Variants in ERI1 observed in about 807,000 individuals in gnomAD.
The protein encoded by ERI1 is 3'-5' exoribonuclease 1.
A neutral mutation model predicts 39.7 loss-of-function variants in ERI1; 39 were observed. That is an observed-to-expected ratio of 0.98 (90% confidence interval 0.76 to 1.28). ERI1 has a LOEUF of 1.28. Ranked by LOEUF, ERI1 falls within the 50% of genes most tolerant of loss-of-function variation. The pLI, the probability that ERI1 is intolerant of heterozygous loss-of-function variation, is 0.00. For synonymous variants in ERI1, 204 were observed against 149.6 expected (o/e 1.36, Z -2.65); for missense variants, 581 against 416.9 (o/e 1.39, Z -3.43).
At chr8:9,097,569 T>C (rs1017727616) in intron 3 of ERI1, among the ~76,000 whole-genome samples, 3 of 151,136 alleles carry the variant, frequency 2.0e-5, no homozygotes, top group African/African-American at 4.9e-5. Flanking sequence ...CGCAGGAGGC[T>C]GAGGCTGGAG....
At chr8:9,076,405 A>C (rs1468410443) in intron 3 of ERI1, among the ~76,000 whole-genome samples, 1 of 152,232 alleles carries the variant, frequency 6.6e-6, no homozygotes, top group Non-Finnish European at 1.5e-5. Context: ...TCTGTAAGTC[A>C]AAGCAAACCC....
At chr8:9,004,239 G>C in intron 1 of ERI1, 1 of 1,230,622 alleles carries the variant, frequency 8.1e-7, no homozygotes, top group Admixed American at 2.7e-5. Flanking sequence ...CTCTTGTAAA[G>C]AACCACTCTT....
chr8:9,013,603 G>T (rs2100023), intron 3 of ERI1, among the ~76,000 whole-genome samples: 2 of 152,066 alleles, frequency 1.3e-5, no homozygotes, highest in East Asian at 3.9e-4. Context: ...TTCAGAAGCT[G>T]TCTCTTTGCT....
rs893487950 is a variant in ERI1 at position 9,030,282 on chromosome 8, A to G, written c.*248A>G. On this transcript the variant is annotated 3_prime_UTR_variant, in exon 7 of 7. Transcript: ENST00000250263. ...AGTAACAGTTCCTGCTTACAACTGA[A>G]TTTTATAATTTAAGGTGTTCAAGAT... The G allele has an allele frequency of 2.1e-5, 10 of 477,828 alleles. No homozygotes were observed. Among genetic ancestry groups the G allele is most frequent in the African/African-American group, 1.7e-4 (9 of 52,282 alleles). The allele number at this position is 477,828 out of a possible 1,614,324, so 29.6% of individuals were successfully genotyped here. A position where few individuals can be genotyped will look rare whatever the true frequency, so the allele number is the denominator to read the frequency against.
At chr8:9,049,414 A>G (rs1227071144) in intron 3 of ERI1, among the ~76,000 whole-genome samples, 1 of 147,718 alleles carries the variant, frequency 6.8e-6, no homozygotes, top group South Asian at 2.2e-4. Context: ...AATGTCAAGT[A>G]TTGAAATATG....
At chr8:9,080,767 C>G (rs1160917640) in intron 3 of ERI1, among the ~76,000 whole-genome samples, 1 of 152,174 alleles carries the variant, frequency 6.6e-6, no homozygotes, top group Non-Finnish European at 1.5e-5. Flanking sequence ...ACTCTCTCGG[C>G]TCCTGCAGGA....
intron 2 of ERI1, chr8:9,009,178 C>T: frequency 4.6e-6 from 2 of 435,322 alleles, no homozygotes; most frequent in South Asian, 1.6e-5. Flanking sequence ...GTATTGAATT[C>T]TAAGTACTGC....
intron 3 of ERI1, among the ~76,000 whole-genome samples, chr8:9,063,587 T>A (rs950050731): frequency 2.2e-4 from 33 of 151,836 alleles, no homozygotes; most frequent in Admixed American, 1.9e-3. Context: ...ATGCTTGGGG[T>A]TGGGACTGAG....
intron 3 of ERI1, among the ~76,000 whole-genome samples, chr8:9,045,642 T>C (rs571674974): frequency 6.6e-6 from 1 of 151,846 alleles, no homozygotes; most frequent in East Asian, 1.9e-4. Context: ...TATTAAAATA[T>C]AAATAAATCT....
intron 1 of ERI1, among the ~76,000 whole-genome samples, chr8:9,004,536 T>C (rs1346535484): frequency 7.3e-6 from 1 of 137,148 alleles, no homozygotes; most frequent in Non-Finnish European, 1.5e-5. Context: ...GTAGTTGCCC[T>C]CTCCCGTAGT....
At chr8:9,010,796 G>C (rs994449252) in intron 2 of ERI1, among the ~76,000 whole-genome samples, 3 of 152,064 alleles carry the variant, frequency 2.0e-5, no homozygotes, top group Non-Finnish European at 4.4e-5. Flanking sequence ...TTATCTGTTA[G>C]GATGACCTTT....
chr8:9,073,045 T>C (rs1799104507), intron 3 of ERI1, among the ~76,000 whole-genome samples: 1 of 152,228 alleles, frequency 6.6e-6, no homozygotes, highest in Non-Finnish European at 1.5e-5. Context: ...GCCTTCAGGA[T>C]TTTTTTATTT....
At chr8:9,040,718 T>C (rs1185089876) in intron 3 of ERI1, among the ~76,000 whole-genome samples, 1 of 116,996 alleles carries the variant, frequency 8.5e-6, no homozygotes, top group Admixed American at 8.1e-5. Flanking sequence ...ATCAGTAATA[T>C]AGTGTGTGTG....
intron 3 of ERI1, among the ~76,000 whole-genome samples, chr8:9,095,036 G>A (rs758296506): frequency 3.3e-5 from 5 of 152,128 alleles, no homozygotes; most frequent in Non-Finnish European, 7.4e-5. Context: ...GAATCCTGCC[G>A]TTTTCCTACT....
rs373647587 is a variant in ERI1, at chr8:9,088,205, C to G, written n.300-28143C>G. On this transcript the variant is annotated intron_variant and non_coding_transcript_variant, in intron 3 of 3. Coordinates refer to the ERI1 transcript ENST00000518663. ...CAGAATCCATTTCAGGAGATAACAC[C>G]TTCTCTTCTCTGCATTTAACACCAG... Among the ~76,000 whole-genome samples the G allele has an allele frequency of 4.6e-5, 7 of 151,964 alleles. No homozygotes were observed. The East Asian group carries it at 1.4e-3, about 29-fold the overall frequency.
At position 9,080,661 on chromosome 8, in the gene ERI1, G is replaced by A. The variant is rs180948869; in HGVS notation, n.300-35687G>A. Among the ~76,000 whole-genome samples the A allele has an allele frequency of 1.5e-3, 229 of 152,264 alleles. 1 individual carries two copies. Among genetic ancestry groups the A allele is most frequent in the African/African-American group, 5.1e-3 (212 of 41,560 alleles). ...CCCCATTGTCTCTTGTTTTCTAGAC[G>A]TGTCTTTGGGTTCTAGCAGCACAGA... On this transcript the variant is annotated intron_variant and non_coding_transcript_variant, in intron 3 of 3. Coordinates refer to the ERI1 transcript ENST00000518663.
chr8:9,049,967 A>G (rs1035659213), intron 3 of ERI1: 1 of 152,210 alleles, frequency 6.6e-6, no homozygotes, highest in Admixed American at 6.5e-5. Flanking sequence ...TCATTTGGCT[A>G]GGATGAGTTC....
At chr8:9,022,671 A>G (rs974149069) in intron 6 of ERI1, among the ~76,000 whole-genome samples, 1 of 152,288 alleles carries the variant, frequency 6.6e-6, no homozygotes, top group Middle Eastern at 3.4e-3. Flanking sequence ...AAGTGCTGGG[A>G]TTATAGGCGT....
At chr8:9,041,905 T>C (rs1442088286) in intron 3 of ERI1, among the ~76,000 whole-genome samples, 1 of 152,176 alleles carries the variant, frequency 6.6e-6, no homozygotes, top group Non-Finnish European at 1.5e-5. Flanking sequence ...CAGCTGATTT[T>C]GTATTTTTAG....
Sources: allele counts gnomAD v4.1 joint callset (sites outside exome capture counted in the v4.1 genomes callset), GRCh38; gene constraint gnomAD v4.1.1; transcripts MANE v1.5; gene names NCBI Gene and HGNC (gene_info 2026-07-23, HGNC 2026-07-21).